The following CENPP variants were observed in gnomAD, a reference collection of about 807,000 sequenced individuals.
CENPP encodes the protein centromere protein P.
Under a neutral mutation model 35.6 loss-of-function variants are expected in CENPP, and 24 were observed. The observed-to-expected ratio is 0.67, with a 90% CI of 0.49 to 0.95. The LOEUF (loss-of-function observed/expected upper bound fraction) is 0.95. CENPP is among the 40% of genes least tolerant of loss of function. CENPP has a pLI of 0.00. For missense variants in CENPP, 332 were observed against 345.3 expected, an observed-to-expected ratio of 0.96 and a Z score of 0.31; for synonymous variants, 120 against 125.5, an observed-to-expected ratio of 0.96 and a Z score of 0.29.
At position 92,611,412 on chromosome 9, in the gene CENPP, TG is replaced by T. The variant is rs748073830; in HGVS notation, c.644+23del. The T allele has an allele frequency of 1.3e-6, 2 of 1,598,958 alleles. No homozygotes were observed. The highest frequency in any genetic ancestry group is 1.1e-5 in the South Asian group (1 of 90,354). ...GGCCAGGGTGAGCCTGCACAGGCCA[TG>T]GGGCCTCCCATTTCCTGTTCAAACA... On this transcript the variant is annotated intron_variant, in intron 6 of 7. Coordinates refer to ENST00000375587, the MANE Select transcript of CENPP (RefSeq NM_001012267.3).
chr9:92,568,813 AT>A (rs1357309722), intron 5 of CENPP, among the ~76,000 whole-genome samples: 12 of 152,080 alleles, frequency 7.9e-5, no homozygotes, highest in Admixed American at 7.9e-4. Context: ...TGTGGTTTTG[AT>A]TTGCATTTCT....
At chr9:92,437,180 C>A (rs796986737) in intron 5 of CENPP, among the ~76,000 whole-genome samples, 6 of 152,216 alleles carry the variant, frequency 3.9e-5, no homozygotes, top group African/African-American at 1.4e-4. Context: ...CCAGCCTGGG[C>A]AACAAGAGCG....
At chr9:92,500,622 T>C in intron 5 of CENPP, 1 of 1,068,754 alleles carries the variant, frequency 9.4e-7, no homozygotes, top group Non-Finnish European at 1.3e-6. Flanking sequence ...CTTAGCACCA[T>C]TTTTTTTTCC....
intron 5 of CENPP, chr9:92,539,180 G>T (rs559365495): frequency 3.0e-4 from 46 of 152,336 alleles, no homozygotes; most frequent in African/African-American, 9.1e-4. Flanking sequence ...GTTGGCCAAC[G>T]TAAGTGGAGT....
At chr9:92,496,621 C>G in intron 5 of CENPP, 2 of 1,046,262 alleles carry the variant, frequency 1.9e-6, no homozygotes, top group Non-Finnish European at 2.6e-6. Flanking sequence ...ATTCCAACTA[C>G]GTCAGAGATT....
chr9:92,550,091 C>T (rs1471593234), intron 5 of CENPP, among the ~76,000 whole-genome samples: 1 of 152,236 alleles, frequency 6.6e-6, no homozygotes, highest in Non-Finnish European at 1.5e-5. Context: ...TGGAAACAAA[C>T]TCATTTGAAC....
intron 5 of CENPP, among the ~76,000 whole-genome samples, chr9:92,506,805 A>G (rs1369104265): frequency 1.3e-5 from 2 of 152,216 alleles, no homozygotes; most frequent in Non-Finnish European, 2.9e-5. Context: ...GGGTTTGCTC[A>G]GGGAGAGAGG....
intron 4 of CENPP, among the ~76,000 whole-genome samples, chr9:92,371,048 A>G (rs1452559433): frequency 6.6e-6 from 1 of 151,786 alleles, no homozygotes; most frequent in Non-Finnish European, 1.5e-5. Context: ...CAAATAACCA[A>G]CGTTTTGTTT....
chr9:92,568,652 A>G (rs186890413), intron 5 of CENPP, among the ~76,000 whole-genome samples: 1 of 152,196 alleles, frequency 6.6e-6, no homozygotes, highest in Non-Finnish European at 1.5e-5. Flanking sequence ...ATCCTGAGGA[A>G]TCGCCACACT....
At chr9:92,385,279 C>G in intron 5 of CENPP, 1 of 171,296 alleles carries the variant, frequency 5.8e-6, no homozygotes. Flanking sequence ...TTGAAAGTTT[C>G]TTGGATTTAT....
intron 5 of CENPP, chr9:92,505,778 C>G: frequency 9.0e-7 from 1 of 1,111,938 alleles, no homozygotes; most frequent in East Asian, 2.6e-5. Flanking sequence ...GTGAAATGGC[C>G]GGTTTATTTG....
intron 5 of CENPP, among the ~76,000 whole-genome samples, chr9:92,564,126 C>G (rs1409554186): frequency 6.6e-6 from 1 of 152,180 alleles, no homozygotes; most frequent in Admixed American, 6.5e-5. Context: ...GTGGCTCACT[C>G]CTGTAATCCC....
At chr9:92,546,863 T>C (rs1026711710) in intron 5 of CENPP, among the ~76,000 whole-genome samples, 12 of 152,182 alleles carry the variant, frequency 7.9e-5, no homozygotes, top group Admixed American at 2.0e-4. Flanking sequence ...ATTGAGGATA[T>C]TGAGTTCATA....
intron 5 of CENPP, among the ~76,000 whole-genome samples, chr9:92,574,967 G>T (rs1057387941): frequency 1.3e-5 from 2 of 152,182 alleles, no homozygotes; most frequent in African/African-American, 2.4e-5. Context: ...ATGGGGAAAT[G>T]ACATTCATTT....
chr9:92,502,788 C>T, intron 5 of CENPP: 2 of 442,598 alleles, frequency 4.5e-6, no homozygotes, highest in Non-Finnish European at 7.4e-6. Flanking sequence ...CAAGTAAGCT[C>T]ATATTTTTAA....
At position 92,617,965 on chromosome 9, in the gene CENPP, T is replaced by C. The variant is rs1482754501; in HGVS notation, c.*4816T>C. ...GAAGTTTAAATGTGGTCAATCTATC[T>C]GTGAGCTGCAAATTAGTCTAGGGAT... On this transcript the variant is annotated 3_prime_UTR_variant, in exon 8 of 8. Transcript: ENST00000375587. 5 of 334,068 alleles carry C rather than the reference T, an allele frequency of 1.5e-5. No homozygotes were observed. In the Admixed American group the frequency reaches 1.6e-4, roughly 11 times the overall value. 20.7% of individuals were successfully genotyped at this position (334,068 alleles called of 1,614,324 possible). A position where few individuals can be genotyped will look rare whatever the true frequency, so the allele number is the denominator to read the frequency against.
chr9:92,580,669 T>A (rs1197037497), intron 5 of CENPP, among the ~76,000 whole-genome samples: 1 of 152,242 alleles, frequency 6.6e-6, no homozygotes, highest in African/African-American at 2.4e-5. Context: ...CATTTTTTAT[T>A]GCATCTATTT....
At chr9:92,514,540 G>T in intron 5 of CENPP, 1 of 1,477,396 alleles carries the variant, frequency 6.8e-7, no homozygotes. Context: ...CTTTCAAAGT[G>T]CTGAGATTAT....
Position 92,500,729 on chromosome 9 carries a change from T to C in CENPP, c.565-110585T>C, listed in dbSNP as rs370627896. ...TACTTGAAAAAGCCAAAATTTACCGTATCTTGTTGTTGTTCAGCCTCAGAA... is the reference window on the plus strand; with the variant it reads ...TACTTGAAAAAGCCAAAATTTACCGCATCTTGTTGTTGTTCAGCCTCAGAA... On this transcript the variant is annotated intron_variant, in intron 5 of 7. Coordinates refer to ENST00000375587, the MANE Select transcript of CENPP (RefSeq NM_001012267.3). 1.9e-6 allele frequency: 3 copies of C among 1,603,002 alleles called. No individual in the cohort carries two copies. The highest frequency in any genetic ancestry group is 2.6e-6 in the Non-Finnish European group (3 of 1,172,684).
Sources: allele counts gnomAD v4.1 joint callset (sites outside exome capture counted in the v4.1 genomes callset), GRCh38; gene constraint gnomAD v4.1.1; transcripts MANE v1.5; gene names NCBI Gene and HGNC (gene_info 2026-07-23, HGNC 2026-07-21).